The following CHRM2 variants were observed in gnomAD, a reference collection of about 807,000 sequenced individuals.
The protein encoded by CHRM2 is muscarinic acetylcholine receptor M2.
CHRM2 carries 8 observed loss-of-function variants against 25.0 expected under a neutral mutation model. That is an observed-to-expected ratio of 0.32 (90% confidence interval 0.19 to 0.58). The LOEUF is 0.58. Ranked by LOEUF, CHRM2 falls within the 20% of genes least tolerant of loss-of-function variation. The probability of loss-of-function intolerance (pLI) is 0.88; values close to 1 mark genes in which losing one functional copy is unlikely to be tolerated. For missense variants in CHRM2, 440 were observed against 567.1 expected (o/e 0.78, Z 2.28); for synonymous variants, 202 against 205.7 (o/e 0.98, Z 0.15).
At chr7:136,921,754 C>A (rs550606681) in intron 2 of CHRM2, among the ~76,000 whole-genome samples, 70 of 145,446 alleles carry the variant, frequency 4.8e-4, no homozygotes, top group African/African-American at 1.4e-3. Flanking sequence ...TAGAAATATA[C>A]CATTCATGCA....
chr7:137,011,525 T>G (rs1380130834), intron 3 of CHRM2, among the ~76,000 whole-genome samples: 1 of 151,962 alleles, frequency 6.6e-6, no homozygotes, highest in Admixed American at 6.6e-5. Flanking sequence ...TCTGAAATTG[T>G]TCTCACTGGG....
chr7:136,965,421 T>C (rs563165155), intron 2 of CHRM2, among the ~76,000 whole-genome samples: 1 of 152,214 alleles, frequency 6.6e-6, no homozygotes, highest in African/African-American at 2.4e-5. Context: ...AGCAAATTAA[T>C]TGGTGAAATT....
chr7:136,930,312 T>C (rs909554274), intron 2 of CHRM2, among the ~76,000 whole-genome samples: 2 of 152,020 alleles, frequency 1.3e-5, no homozygotes, highest in Non-Finnish European at 2.9e-5. Context: ...GGCACACACC[T>C]GTAATCCCAG....
intron 2 of CHRM2, among the ~76,000 whole-genome samples, chr7:136,884,085 A>G (rs1387051805): frequency 1.3e-5 from 2 of 152,330 alleles, no homozygotes; most frequent in Non-Finnish European, 2.9e-5. Context: ...ATAAAAATAT[A>G]TCAACTTAAT....
At chr7:137,010,955 T>C (rs1403553796) in intron 3 of CHRM2, among the ~76,000 whole-genome samples, 1 of 151,926 alleles carries the variant, frequency 6.6e-6, no homozygotes, top group Non-Finnish European at 1.5e-5. Flanking sequence ...ATGTTGGTTT[T>C]AGTTGTAGAT....
At chr7:136,987,873 G>A (rs1033304297) in intron 2 of CHRM2, among the ~76,000 whole-genome samples, 4 of 151,908 alleles carry the variant, frequency 2.6e-5, no homozygotes, top group Admixed American at 2.6e-4. Context: ...GATCCCAACA[G>A]TTCCAAATTT....
chr7:136,916,403 C>G (rs960676), intron 2 of CHRM2, among the ~76,000 whole-genome samples: 3 of 151,704 alleles, frequency 2.0e-5, no homozygotes, highest in Non-Finnish European at 2.9e-5. Context: ...TTTTATTTTT[C>G]TTTCATATTT....
chr7:136,978,587 G>A (rs1802266534), intron 2 of CHRM2, among the ~76,000 whole-genome samples: 1 of 152,072 alleles, frequency 6.6e-6, no homozygotes, highest in Non-Finnish European at 1.5e-5. Context: ...TTCTCCTAAT[G>A]CTATCCCTTC....
At chr7:136,882,028 C>T (rs1796285355) in intron 2 of CHRM2, among the ~76,000 whole-genome samples, 1 of 151,996 alleles carries the variant, frequency 6.6e-6, no homozygotes, top group African/African-American at 2.4e-5. Context: ...CAATAGCAGA[C>T]AGAGTATTCT....
intron 2 of CHRM2, among the ~76,000 whole-genome samples, chr7:136,944,911 C>CT (rs1039944537): frequency 9.9e-5 from 15 of 151,862 alleles, no homozygotes; most frequent in African/African-American, 1.9e-4. Flanking sequence ...ATACCAACAT[C>CT]TTTTTTTTAC....
At chr7:136,883,319 T>C (rs1421651037) in intron 2 of CHRM2, among the ~76,000 whole-genome samples, 2 of 152,172 alleles carry the variant, frequency 1.3e-5, no homozygotes, top group African/African-American at 4.8e-5. Flanking sequence ...AAGTAGTGGA[T>C]AAGTATATTC....
rs1331614198 is a variant in CHRM2 at position 136,937,011 on chromosome 7, G to A, written c.-124-55176G>A. 2.0e-5 allele frequency among the ~76,000 whole-genome samples: 3 copies of A among 152,116 alleles called. No homozygotes were observed. In the East Asian group the frequency reaches 5.8e-4, roughly 29 times the overall value. ...TATCAAACTAGTCAACATGAATAGA[G>A]TTTCTTATAAGCAAAGTGATTTAAA... On this transcript the variant is annotated intron_variant, in intron 2 of 3. Transcript: ENST00000680005.
At chr7:136,889,536 T>C (rs1194580635) in intron 2 of CHRM2, among the ~76,000 whole-genome samples, 2 of 152,214 alleles carry the variant, frequency 1.3e-5, no homozygotes, top group African/African-American at 4.8e-5. Flanking sequence ...CCAACTCAGA[T>C]GCACCACACC....
In CHRM2 at chr7:137,015,979, C is replaced by G. The variant is rs138806839; in HGVS notation, c.1114C>G (p.Pro372Ala). ...CAAGATTGTGAAGATGACTAAGCAGCCTGCAAAAAAGAAGCCTCCTCCTTC... is the reference window on the plus strand; with the variant it reads ...CAAGATTGTGAAGATGACTAAGCAGGCTGCAAAAAAGAAGCCTCCTCCTTC... Reference protein sequence around the residue: ...ARKIVKMTKQPAKKKPPPSRE... With the variant: ...ARKIVKMTKQAAKKKPPPSRE... Residue 372 changes from proline to alanine, a missense_variant, in exon 4 of 4, where the codon CCT becomes GCT. This residue lies in a region of CHRM2 where 261 missense variants were observed against 261.8 expected (regional missense o/e 1.00). Coordinates refer to ENST00000680005, the MANE Select transcript of CHRM2 (RefSeq NM_001006630.2). The surrounding 1 kb of genome is among the most constrained non-coding windows in gnomAD (Gnocchi z 5.1). 1,641 of 1,613,088 alleles carry G rather than the reference C, an allele frequency of 1.0e-3. 3 individuals are homozygous for G. Among genetic ancestry groups the G allele is most frequent in the Non-Finnish European group, 1.2e-3 (1,403 of 1,179,426 alleles).
chr7:136,963,887 GT>G (rs1047939049), intron 2 of CHRM2, among the ~76,000 whole-genome samples: 1 of 152,152 alleles, frequency 6.6e-6, no homozygotes, highest in Non-Finnish European at 1.5e-5. Context: ...AGGTTTCCAG[GT>G]TGGTTACAGA....
intron 3 of CHRM2, among the ~76,000 whole-genome samples, chr7:137,011,800 T>C (rs1201839431): frequency 6.6e-6 from 1 of 152,098 alleles, no homozygotes; most frequent in African/African-American, 2.4e-5. Context: ...AAGGTGATGG[T>C]TCCACCTAAC....
intron 2 of CHRM2, among the ~76,000 whole-genome samples, chr7:136,895,879 A>C (rs1038154903): frequency 2.0e-5 from 3 of 152,212 alleles, no homozygotes; most frequent in Admixed American, 2.0e-4. Context: ...TACATTGATC[A>C]TCTCCTCTGC....
At chr7:136,974,049 AT>A (rs1801956357) in intron 2 of CHRM2, among the ~76,000 whole-genome samples, 1 of 152,202 alleles carries the variant, frequency 6.6e-6, no homozygotes, top group South Asian at 2.1e-4. Context: ...GCGGTCTCAT[AT>A]TTTTTGTGTA....
intron 2 of CHRM2, among the ~76,000 whole-genome samples, chr7:136,923,239 A>T (rs985300207): frequency 6.6e-6 from 1 of 151,188 alleles, no homozygotes; most frequent in Admixed American, 6.6e-5. Context: ...ATTTAAAAAA[A>T]AATACAACTG....
Sources: gnomAD v4.1 joint callset for allele counts (sites outside exome capture counted in the v4.1 genomes callset) on GRCh38, gnomAD v4.1.1 for gene constraint, gnomAD v4.1.1 regional missense constraint, Gnocchi (gnomAD v3.1) non-coding constraint, MANE v1.5 for transcripts, NCBI Gene and HGNC (gene_info 2026-07-23, HGNC 2026-07-21) for gene names.